DIP2C: variants seen among roughly 807,000 people sequenced by gnomAD.
DIP2C encodes DIP2 acetate--CoA ligase C (putative).
DIP2C carries 33 observed loss-of-function variants against 192.4 expected under a neutral mutation model. That is an observed-to-expected ratio of 0.17 (90% confidence interval 0.13 to 0.23). The LOEUF is 0.23. Among genes scored for constraint, DIP2C ranks in the 10% least tolerant of loss-of-function variants. The probability of loss-of-function intolerance (pLI) is 1.00; values close to 1 mark genes in which losing one functional copy is unlikely to be tolerated. For synonymous variants in DIP2C, 979 were observed against 864.1 expected, an observed-to-expected ratio of 1.13 and a Z score of -2.33; for missense variants, 1,537 against 2,110.1, an observed-to-expected ratio of 0.73 and a Z score of 5.32.
chr10:447,583 G>C (rs1419086690), intron 3 of DIP2C, among the ~76,000 whole-genome samples: 2 of 132,896 alleles, frequency 1.5e-5, no homozygotes, highest in Non-Finnish European at 3.1e-5. Context: ...CGATAATCAG[G>C]ATCACACACA....
At chr10:294,600 G>GAA (rs570204891) in intron 32 of DIP2C, among the ~76,000 whole-genome samples, 2 of 126,166 alleles carry the variant, frequency 1.6e-5, no homozygotes, top group African/African-American at 2.9e-5. Flanking sequence ...TCTAAAAAAA[G>GAA]AAAAAAAAAA....
At chr10:307,443 A>G (rs2132304379) in intron 32 of DIP2C, among the ~76,000 whole-genome samples, 1 of 152,218 alleles carries the variant, frequency 6.6e-6, no homozygotes, top group African/African-American at 2.4e-5. Flanking sequence ...AGGTTTAAGG[A>G]AGGAGAGGGC....
intron 2 of DIP2C, among the ~76,000 whole-genome samples, chr10:483,170 C>T (rs1843730591): frequency 1.3e-5 from 2 of 152,184 alleles, no homozygotes; most frequent in South Asian, 4.1e-4. Flanking sequence ...TCCCAAACAA[C>T]ATCCTAGAAA....
Position 681,456 on chromosome 10 carries a change from A to G in DIP2C, c.85+8038T>C, listed in dbSNP as rs1256232325. Reference sequence around the variant, plus strand: ...TGGTGCAGCCACCATCTATGGCCACAGAAATTCCAGGGAACATAGACCCCA... The same window carrying G: ...TGGTGCAGCCACCATCTATGGCCACGGAAATTCCAGGGAACATAGACCCCA... On this transcript the variant is annotated intron_variant, in intron 1 of 36. Transcript: ENST00000280886. 1.4e-4 allele frequency among the ~76,000 whole-genome samples: 20 copies of G among 146,336 alleles called. 1 individual carries two copies. Among genetic ancestry groups the G allele is most frequent in the African/African-American group, 3.6e-4 (14 of 39,324 alleles).
chr10:413,714 G>A (rs1395614867), intron 8 of DIP2C, among the ~76,000 whole-genome samples, 199 bp downstream of exon 8: 2 of 151,802 alleles, frequency 1.3e-5, no homozygotes, highest in Non-Finnish European at 2.9e-5. Flanking sequence ...GTAAACCTCC[G>A]GATTACCTTA....
chr10:601,780 G>A (rs774324271), intron 1 of DIP2C, among the ~76,000 whole-genome samples: 2 of 152,238 alleles, frequency 1.3e-5, no homozygotes, highest in Non-Finnish European at 2.9e-5. Context: ...AACAAGGCCA[G>A]GAGGAAGCGG....
intron 1 of DIP2C, among the ~76,000 whole-genome samples, chr10:558,458 G>A (rs747810514): frequency 7.2e-5 from 11 of 152,140 alleles, no homozygotes; most frequent in East Asian, 1.9e-4. Context: ...GTATCACCAC[G>A]AGCTGGGGGA....
chr10:598,775 C>T (rs1017332446), intron 1 of DIP2C, among the ~76,000 whole-genome samples: 3 of 152,178 alleles, frequency 2.0e-5, no homozygotes, highest in African/African-American at 7.2e-5. Flanking sequence ...TGAATGTGGT[C>T]TGAAGGCATC....
chr10:557,849 G>A (rs1848984684), intron 1 of DIP2C, among the ~76,000 whole-genome samples: 1 of 102,340 alleles, frequency 9.8e-6, no homozygotes, highest in Non-Finnish European at 2.1e-5. Flanking sequence ...CAGGCAGGAA[G>A]GGGGAGGGGG....
At chr10:521,680 G>C (rs552424546) in intron 1 of DIP2C, among the ~76,000 whole-genome samples, 13 of 152,306 alleles carry the variant, frequency 8.5e-5, no homozygotes, top group African/African-American at 2.2e-4. Flanking sequence ...ATTTAGATTT[G>C]TGTATTCTAA....
At chr10:333,236 G>T (rs1957581786) in intron 29 of DIP2C, among the ~76,000 whole-genome samples, 1 of 152,060 alleles carries the variant, frequency 6.6e-6, no homozygotes, top group African/African-American at 2.4e-5. Flanking sequence ...GCTTTATTTA[G>T]GTATACTTTG....
chr10:534,571 A>G (rs1191025189), intron 1 of DIP2C, among the ~76,000 whole-genome samples: 3 of 152,222 alleles, frequency 2.0e-5, no homozygotes, highest in Non-Finnish European at 2.9e-5. Context: ...AAATGACGCC[A>G]ACACAGGAAA....
chr10:328,390 C>T (rs968371145), intron 30 of DIP2C, among the ~76,000 whole-genome samples: 3 of 152,302 alleles, frequency 2.0e-5, no homozygotes, highest in Admixed American at 1.3e-4. Flanking sequence ...CATAAGTTTC[C>T]TCAGCTTTAA....
intron 4 of DIP2C, among the ~76,000 whole-genome samples, chr10:428,018 G>T (rs909914311): frequency 6.6e-6 from 1 of 152,162 alleles, no homozygotes; most frequent in Non-Finnish European, 1.5e-5. Context: ...TAACCAACTG[G>T]TAAATGAATA....
At chr10:485,828 T>C (rs1032574358) in intron 2 of DIP2C, among the ~76,000 whole-genome samples, 3 of 152,258 alleles carry the variant, frequency 2.0e-5, no homozygotes, top group African/African-American at 4.8e-5. Flanking sequence ...TCAAGGTCGC[T>C]CTTGGGCTGA....
chr10:315,797 A>C (rs1279330694), intron 31 of DIP2C, among the ~76,000 whole-genome samples: 1 of 152,008 alleles, frequency 6.6e-6, no homozygotes, highest in Non-Finnish European at 1.5e-5. Context: ...TGGGGCTCCG[A>C]TCACTACAGG....
intron 16 of DIP2C, among the ~76,000 whole-genome samples, chr10:383,532 T>C (rs1005315728): frequency 3.3e-5 from 5 of 152,242 alleles, no homozygotes; most frequent in African/African-American, 9.6e-5. Context: ...GGTATTTTTG[T>C]TACAGGATGT....
At chr10:282,629 A>G (rs1954891825) in intron 35 of DIP2C, among the ~76,000 whole-genome samples, 1 of 152,226 alleles carries the variant, frequency 6.6e-6, no homozygotes, top group Admixed American at 6.5e-5. Flanking sequence ...AATTAACTAT[A>G]CAAGTGCACT....
rs750409708 is a variant in DIP2C at position 286,227 on chromosome 10, T to C, written c.4119+46A>G. On this transcript the variant is annotated intron_variant, in intron 34 of 36. Coordinates refer to ENST00000280886, the MANE Select transcript of DIP2C (RefSeq NM_014974.3). ...TGATGGTGTCAAGGCAAGCCAAGGA[T>C]ACATAACAGAAAAGTAACCTGGATC... 9 of 1,584,852 alleles carry C rather than the reference T, an allele frequency of 5.7e-6. No individual in the cohort carries two copies. In the South Asian group the frequency reaches 1.0e-4, roughly 18 times the overall value.
Sources: allele counts gnomAD v4.1 joint callset (sites outside exome capture counted in the v4.1 genomes callset), GRCh38; gene constraint gnomAD v4.1.1; transcripts MANE v1.5; gene names NCBI Gene and HGNC (gene_info 2026-07-23, HGNC 2026-07-21).